The following ABCG1 variants were observed in gnomAD, a reference collection of about 807,000 sequenced individuals.
The protein encoded by ABCG1 is ATP-binding cassette sub-family G member 1.
A neutral mutation model predicts 69.2 loss-of-function variants in ABCG1; 29 were observed. That is an observed-to-expected ratio of 0.42 (90% CI 0.31 to 0.57). The LOEUF is 0.57. Ranked by LOEUF, ABCG1 falls within the 20% of genes least tolerant of loss-of-function variation. The pLI is 0.15. For synonymous variants in ABCG1, 370 were observed against 374.8 expected (o/e 0.99, Z 0.15); for missense variants, 718 against 898.1 (o/e 0.80, Z 2.56).
chr21:42,265,794 C>T (rs1212830731), intron 2 of ABCG1, among the ~76,000 whole-genome samples: 1 of 152,200 alleles, frequency 6.6e-6, no homozygotes, highest in East Asian at 1.9e-4. Context: ...GCTGGGATGG[C>T]CTGGAGACAT....
chr21:42,271,447 G>A (rs541025131), intron 3 of ABCG1, among the ~76,000 whole-genome samples: 2 of 152,352 alleles, frequency 1.3e-5, no homozygotes, highest in Admixed American at 6.5e-5. Context: ...AGGGACAGGA[G>A]GAAGTAGGAA....
Position 42,296,775 on chromosome 21 carries a change from C to A in ABCG1, c.*383C>A. The A allele has an allele frequency of 3.8e-6, 1 of 266,568 alleles. No individual in the cohort carries two copies. Among genetic ancestry groups the A allele is most frequent in the Non-Finnish European group, 7.3e-6 (1 of 136,860 alleles). The allele number at this position is 266,568 out of a possible 1,614,324, so 16.5% of individuals were successfully genotyped here. A position where few individuals can be genotyped will look rare whatever the true frequency, so the allele number is the denominator to read the frequency against. On this transcript the variant is annotated 3_prime_UTR_variant, in exon 15 of 15. Transcript: ENST00000398449. The surrounding 1 kb of genome is among the most constrained non-coding windows in gnomAD (Gnocchi z 5.4). ...CTGGATGGGGAACTGCAAGCAGCCT[C>A]TCAGCTGATGGCTGCACAGTCAGAT...
chr21:42,236,297 C>A, intron 2 of ABCG1, among the ~76,000 whole-genome samples: 1 of 152,234 alleles, frequency 6.6e-6, no homozygotes, highest in East Asian at 1.9e-4. Flanking sequence ...CTGAACTTTA[C>A]GGAGTGTTTT....
intron 2 of ABCG1, among the ~76,000 whole-genome samples, chr21:42,261,215 C>G (rs540754324): frequency 0.025 from 3,742 of 151,836 alleles, 149 homozygotes; most frequent in African/African-American, 0.086. Flanking sequence ...CACCCCCCCT[C>G]TCCCGCCCCA....
chr21:42,293,787 CACACACT>C (rs1569243436), intron 13 of ABCG1, among the ~76,000 whole-genome samples: 1 of 151,260 alleles, frequency 6.6e-6, no homozygotes, highest in East Asian at 1.9e-4. Context: ...TACACACAAA[CACACACT>C]ACACACTACA....
chr21:42,270,534 T>G (rs1357496071), intron 2 of ABCG1, among the ~76,000 whole-genome samples: 2 of 152,058 alleles, frequency 1.3e-5, no homozygotes, highest in East Asian at 3.8e-4. Flanking sequence ...TAATCATATG[T>G]TGATTATTTA....
At chr21:42,259,363 A>G in intron 2 of ABCG1, 1 of 1,550,368 alleles carries the variant, frequency 6.5e-7, no homozygotes, top group Non-Finnish European at 8.7e-7. Flanking sequence ...GCTAAACTGG[A>G]GAGCTCAGTG....
rs2069069795 is a variant in ABCG1, at chr21:42,291,928, G to C, written c.1653+272G>C. On this transcript the variant is annotated intron_variant, in intron 13 of 14. Transcript: ENST00000398449. This position sits in a 1 kb window ranked among gnomAD's most constrained non-coding sequence, Gnocchi z 6.4. ...CTGAGCTCCTGTAGCCCCAAGCACA[G>C]CCACGCTTAGGTGCTGTGCTGGCCC... is the stretch of plus-strand genomic sequence containing the variant. Among the ~76,000 whole-genome samples, 1 of 152,180 alleles carries C rather than the reference G, an allele frequency of 6.6e-6. No individual in the cohort carries two copies. Among genetic ancestry groups the C allele is most frequent in the Non-Finnish European group, 1.5e-5 (1 of 68,012 alleles).
intron 1 of ABCG1, among the ~76,000 whole-genome samples, chr21:42,225,429 A>G (rs1303006838): frequency 6.6e-6 from 1 of 152,226 alleles, no homozygotes; most frequent in Non-Finnish European, 1.5e-5. Context: ...TTATGATTCC[A>G]AAGTAAGACT....
In ABCG1 at chr21:42,282,356, G is replaced by T. The variant is rs1445295054; in HGVS notation, c.671G>T (p.Arg224Leu). 1 of 1,613,862 alleles carries T rather than the reference G, an allele frequency of 6.2e-7. No individual in the cohort carries two copies. Among genetic ancestry groups the T allele is most frequent in the South Asian group, 1.1e-5 (1 of 91,082 alleles). ...AGCCTGTCAGGTGGTCAGCGCAAGCGCCTGGCCATCGCGCTGGAGCTGGTG... is the reference window on the plus strand; with the variant it reads ...AGCCTGTCAGGTGGTCAGCGCAAGCTCCTGGCCATCGCGCTGGAGCTGGTG... ...TGSLSGGQRK[R>L]LAIALELVNN... The change falls in exon 6 of 15, where the codon CGC (arginine) becomes CTC (leucine). Residue 224 changes from arginine to leucine, a missense_variant. Transcript: ENST00000398449.
At chr21:42,268,324 T>C (rs2068550897) in intron 2 of ABCG1, among the ~76,000 whole-genome samples, 1 of 151,586 alleles carries the variant, frequency 6.6e-6, no homozygotes, top group Admixed American at 6.6e-5. Context: ...TGGAGGACTC[T>C]GCGGGGAGGG....
intron 2 of ABCG1, among the ~76,000 whole-genome samples, chr21:42,208,419 A>T (rs1378576): frequency 6.6e-6 from 1 of 152,078 alleles, no homozygotes; most frequent in Non-Finnish European, 1.5e-5. Context: ...GTTTTGTGTA[A>T]TATCCAAGGT....
At chr21:42,240,214 T>G (rs1451542946) in intron 2 of ABCG1, among the ~76,000 whole-genome samples, 1 of 152,182 alleles carries the variant, frequency 6.6e-6, no homozygotes, top group Non-Finnish European at 1.5e-5. Flanking sequence ...GAGGCACTGC[T>G]TCCATGTTAT....
chr21:42,224,238 G>A (rs187206104), intron 1 of ABCG1, among the ~76,000 whole-genome samples: 43 of 152,264 alleles, frequency 2.8e-4, no homozygotes, highest in African/African-American at 1.0e-3. Context: ...GGCTCTTTTG[G>A]AATCAAAGTG....
intron 2 of ABCG1, among the ~76,000 whole-genome samples, chr21:42,269,167 G>T (rs1197939095): frequency 1.3e-5 from 2 of 152,214 alleles, no homozygotes; most frequent in African/African-American, 4.8e-5. Flanking sequence ...AGGTTTGCTG[G>T]GGAGTAGCCC....
intron 1 of ABCG1, among the ~76,000 whole-genome samples, chr21:42,222,534 G>A (rs146463184): frequency 6.6e-6 from 1 of 152,328 alleles, no homozygotes; most frequent in African/African-American, 2.4e-5. Flanking sequence ...CCGTTACAGA[G>A]GCTTGTGGTC....
In ABCG1 at chr21:42,273,502, A is replaced by T; in HGVS notation, c.537+67A>T. ...TGTCCCCAGCGCCCACATTAGACAC[A>T]GCACTGGCCGAGTGCCCAGCTGCGA... On this transcript the variant is annotated intron_variant, in intron 4 of 14. Transcript: ENST00000398449. This position sits in a 1 kb window ranked among gnomAD's most constrained non-coding sequence, Gnocchi z 5.3. The T allele has an allele frequency of 6.5e-7, 1 of 1,547,162 alleles. No individual in the cohort carries two copies. Among genetic ancestry groups the T allele is most frequent in the East Asian group, 2.3e-5 (1 of 43,176 alleles).
At chr21:42,293,617 C>T (rs2069137349) in intron 13 of ABCG1, among the ~76,000 whole-genome samples, 1 of 100,392 alleles carries the variant, frequency 1.0e-5, no homozygotes. Flanking sequence ...CACCACACTA[C>T]ACACTACACA....
chr21:42,219,901 A>AG lies in ABCG1; in HGVS notation c.42+601dup. 1 of 1,547,772 alleles carries AG rather than the reference A, an allele frequency of 6.5e-7. No homozygotes were observed. The highest frequency in any genetic ancestry group is 8.7e-7 in the Non-Finnish European group (1 of 1,146,086). ...CGGCGAAGGCCCGGGGAGACCCGCG[A>AG]GGGGCAAGCCCGGATTCCTGCCGGC... On this transcript the variant is annotated intron_variant, in intron 1 of 14. Coordinates refer to ENST00000398449, the MANE Select transcript of ABCG1 (RefSeq NM_016818.3). The surrounding 1 kb of genome is among the most constrained non-coding windows in gnomAD (Gnocchi z 5.3).
Sources: gnomAD v4.1 joint callset for allele counts (sites outside exome capture counted in the v4.1 genomes callset) on GRCh38, gnomAD v4.1.1 for gene constraint, Gnocchi (gnomAD v3.1) non-coding constraint, MANE v1.5 for transcripts, NCBI Gene and HGNC (gene_info 2026-07-23, HGNC 2026-07-21) for gene names.